Variants in LPCAT2 observed in about 807,000 individuals in gnomAD.
The protein encoded by LPCAT2 is lysophosphatidylcholine acyltransferase 2.
LPCAT2 carries 58 observed loss-of-function variants against 64.7 expected under a neutral mutation model. That is an observed-to-expected ratio of 0.90 (90% CI 0.73 to 1.12). The LOEUF is 1.12. Ranked by LOEUF, LPCAT2 falls within the 50% of genes most tolerant of loss-of-function variation. The probability of loss-of-function intolerance (pLI) is 0.00; values close to 1 mark genes in which losing one functional copy is unlikely to be tolerated. For missense variants in LPCAT2, 579 were observed against 669.8 expected (o/e 0.86, Z 1.50); for synonymous variants, 252 against 245.3 (o/e 1.03, Z -0.26).
intron 1 of LPCAT2, among the ~76,000 whole-genome samples, chr16:55,509,860 G>A (rs1423273850): frequency 6.6e-6 from 1 of 152,120 alleles, no homozygotes; most frequent in Non-Finnish European, 1.5e-5. Context: ...TGAGCTGGCT[G>A]GTGGCGCAGG....
intron 9 of LPCAT2, among the ~76,000 whole-genome samples, chr16:55,548,247 G>T (rs1168302904): frequency 6.6e-6 from 1 of 151,922 alleles, no homozygotes; most frequent in Non-Finnish European, 1.5e-5. Flanking sequence ...TTGGTATTCG[G>T]TGTTTTTCCA....
Position 55,553,206 on chromosome 16 carries a change from C to A in LPCAT2, c.1215+2104C>A, listed in dbSNP as rs560146735. Among the ~76,000 whole-genome samples, 88 of 152,206 alleles carry A rather than the reference C, an allele frequency of 5.8e-4. 1 individual carries two copies. The highest frequency in any genetic ancestry group is 2.0e-3 in the African/African-American group (85 of 41,538). ...TGGGCCGAGATCATGCCATTGCACT[C>A]CAGCTGGGCAACAAGAGCGAAACTC... On this transcript the variant is annotated intron_variant, in intron 11 of 13. Transcript: ENST00000262134.
At position 55,585,398 on chromosome 16, in the gene LPCAT2, C is replaced by T. The variant is rs1434332231; in HGVS notation, c.*2300C>T. 2.6e-5 allele frequency: 4 copies of T among 152,168 alleles called. 1 individual carries two copies. Among genetic ancestry groups the T allele is most frequent in the African/African-American group, 9.6e-5 (4 of 41,454 alleles). The allele number at this position is 152,168 out of a possible 1,614,324, so 9.4% of individuals were successfully genotyped here. On this transcript the variant is annotated 3_prime_UTR_variant, in exon 14 of 14. Coordinates refer to ENST00000262134, the MANE Select transcript of LPCAT2 (RefSeq NM_017839.5). ...ACTGGTTGAATTTTATATAGTAACA[C>T]ACAAGTCGTGATCATCAATATTATT...
chr16:55,522,711 A>T (rs1288187912), intron 1 of LPCAT2, among the ~76,000 whole-genome samples: 1 of 151,684 alleles, frequency 6.6e-6, no homozygotes, highest in African/African-American at 2.4e-5. Flanking sequence ...AAGAAAATTC[A>T]TTGAGAAATG....
chr16:55,531,943 T>G lies in LPCAT2; in HGVS notation c.672T>G (p.Thr224=), dbSNP rs1217624126. The stretch of plus-strand genomic sequence containing the variant: ...TAGTTTTCCCAGAAGGTACTTGTAC[T>G]AATCGTTCCTGTTTGATTACTTTTA... ...QILVFPEGTC[T]NRSCLITFKP... is the part of the protein sequence containing the mutation. Residue 224 remains threonine, a synonymous_variant, in exon 5 of 14, where the codon ACT becomes ACG. Coordinates refer to ENST00000262134, the MANE Select transcript of LPCAT2 (RefSeq NM_017839.5). 1 of 1,592,136 alleles carries G rather than the reference T, an allele frequency of 6.3e-7. No individual in the cohort carries two copies. The highest frequency in any genetic ancestry group is 8.6e-7 in the Non-Finnish European group (1 of 1,160,742).
chr16:55,517,090 CT>C (rs1424424838), intron 1 of LPCAT2, among the ~76,000 whole-genome samples: 1 of 151,580 alleles, frequency 6.6e-6, no homozygotes, highest in Non-Finnish European at 1.5e-5. Flanking sequence ...AGTTGGTACT[CT>C]GAAAAAAACT....
At chr16:55,549,684 T>G (rs575936124) in intron 10 of LPCAT2, among the ~76,000 whole-genome samples, 1 of 152,318 alleles carries the variant, frequency 6.6e-6, no homozygotes, top group African/African-American at 2.4e-5. Context: ...AGTTAGTGGC[T>G]CAGAGAAGTT....
intron 1 of LPCAT2, among the ~76,000 whole-genome samples, chr16:55,515,687 A>G (rs1229718344): frequency 6.6e-6 from 1 of 152,228 alleles, no homozygotes; most frequent in Non-Finnish European, 1.5e-5. Flanking sequence ...TACAATGTAT[A>G]AAGACATAAT....
At chr16:55,556,674 GGAGGCGGAGCTTGC>G (rs1393445250) in intron 11 of LPCAT2, among the ~76,000 whole-genome samples, 4 of 152,200 alleles carry the variant, frequency 2.6e-5, no homozygotes, top group African/African-American at 9.7e-5. Context: ...TGTGAACCCA[GGAGGCGGAGCTTGC>G]AGTGAGCCGC....
intron 11 of LPCAT2, among the ~76,000 whole-genome samples, chr16:55,571,645 A>G (rs1370403507): frequency 2.0e-5 from 3 of 152,096 alleles, no homozygotes; most frequent in Non-Finnish European, 2.9e-5. Context: ...TATTAAGTTT[A>G]TAATTCTTCC....
At chr16:55,517,997 A>G (rs1406008092) in intron 1 of LPCAT2, among the ~76,000 whole-genome samples, 1 of 152,244 alleles carries the variant, frequency 6.6e-6, no homozygotes, top group Admixed American at 6.5e-5. Flanking sequence ...TATATTGGAA[A>G]GGAAGAAGTA....
intron 11 of LPCAT2, among the ~76,000 whole-genome samples, chr16:55,569,249 C>T (rs550095876): frequency 2.6e-5 from 4 of 152,178 alleles, no homozygotes; most frequent in African/African-American, 7.2e-5. Context: ...ACATATAATT[C>T]TGAACTGAGC....
At position 55,537,515 on chromosome 16, in the gene LPCAT2, T is replaced by A. The variant is rs146482872; in HGVS notation, c.798-63T>A. On this transcript the variant is annotated intron_variant, in intron 7 of 13. Transcript: ENST00000262134. ...TATTTGTGTATAAAGAAATGATTGT[T>A]GAATAATATAAGATGATACTTGCAT... The A allele has an allele frequency of 3.9e-6, 5 of 1,293,158 alleles. No individual in the cohort carries two copies. In the East Asian group the frequency reaches 1.2e-4, roughly 30 times the overall value. 80.1% of individuals were successfully genotyped at this position (1,293,158 alleles called of 1,614,324 possible).
In LPCAT2 at chr16:55,583,892, A is replaced by G. The variant is rs945469955; in HGVS notation, c.*794A>G. 6.6e-6 allele frequency: 1 copy of G among 152,234 alleles called. No homozygotes were observed. The highest frequency in any genetic ancestry group is 1.5e-5 in the Non-Finnish European group (1 of 68,110). The allele number at this position is 152,234 out of a possible 1,614,324, so 9.4% of individuals were successfully genotyped here. ...GCCATGTGGTTTTGCCATGTTGGCC[A>G]GGCTGGTTTCGAACTCCTGACCTCA... is the stretch of plus-strand genomic sequence containing the variant. On this transcript the variant is annotated 3_prime_UTR_variant, in exon 14 of 14. Transcript: ENST00000262134.
chr16:55,509,187 C>G lies in LPCAT2; in HGVS notation c.6C>G (p.Ser2Arg). Residue 2 changes from serine to arginine, a missense_variant, in exon 1 of 14, where the codon AGC (serine) becomes AGG (arginine). Transcript: ENST00000262134. The part of the protein sequence containing the change: M[S>R]RCAQAAEVAA... ...GTTCTACGCCCGGCTCAACTATGAGCCGGTGCGCCCAGGCGGCGGAAGTGG... is the reference window on the plus strand; with the variant it reads ...GTTCTACGCCCGGCTCAACTATGAGGCGGTGCGCCCAGGCGGCGGAAGTGG... The G allele has an allele frequency of 7.2e-7, 1 of 1,394,874 alleles. No homozygotes were observed. The highest frequency in any genetic ancestry group is 9.3e-7 in the Non-Finnish European group (1 of 1,069,526). 86.4% of individuals were successfully genotyped at this position (1,394,874 alleles called of 1,614,324 possible).
In LPCAT2 at chr16:55,584,861, C is replaced by G. The variant is rs955547525; in HGVS notation, c.*1763C>G. ...CTTATATGTCTTAAAGCTATTTAAA[C>G]AAGGTGTTAAATGAGCCAAAACAAT... On this transcript the variant is annotated 3_prime_UTR_variant, in exon 14 of 14. Coordinates refer to ENST00000262134, the MANE Select transcript of LPCAT2 (RefSeq NM_017839.5). The G allele has an allele frequency of 6.6e-6, 1 of 152,064 alleles. No homozygotes were observed. The highest frequency in any genetic ancestry group is 1.5e-5 in the Non-Finnish European group (1 of 67,990). The allele number at this position is 152,064 out of a possible 1,614,324, so 9.4% of individuals were successfully genotyped here.
chr16:55,532,780 T>C (rs1567395265), intron 5 of LPCAT2, 44 bp from the exon 6 acceptor site: 3 of 1,378,374 alleles, frequency 2.2e-6, no homozygotes, highest in Non-Finnish European at 3.1e-6. Flanking sequence ...CATAAAACTT[T>C]TATTCACATA....
At chr16:55,510,914 G>A (rs896773409) in intron 1 of LPCAT2, among the ~76,000 whole-genome samples, 2 of 151,982 alleles carry the variant, frequency 1.3e-5, no homozygotes, top group Admixed American at 6.6e-5. Context: ...TATTTATATT[G>A]CACCTATAAT....
Position 55,579,135 on chromosome 16 carries a change from C to T in LPCAT2, c.1341C>T (p.Tyr447=). ...TGTTTGACGTTGATGAGGATGGCTA[C>T]ATAACGGAGGAAGAGTTCTCCACCA... ...FKLFDVDEDG[Y]ITEEEFSTIL... The change falls in exon 13 of 14, where the codon TAC becomes TAT. Residue 447 remains tyrosine (Y), a synonymous_variant. Transcript: ENST00000262134. The T allele has an allele frequency of 1.2e-6, 2 of 1,613,374 alleles. No individual in the cohort carries two copies. The highest frequency in any genetic ancestry group is 1.7e-6 in the Non-Finnish European group (2 of 1,179,520).
Sources: allele counts gnomAD v4.1 joint callset (sites outside exome capture counted in the v4.1 genomes callset), GRCh38; gene constraint gnomAD v4.1.1; transcripts MANE v1.5; gene names NCBI Gene and HGNC (gene_info 2026-07-23, HGNC 2026-07-21).